ALMS1: variants seen among roughly 807,000 people sequenced by gnomAD.
The protein encoded by ALMS1 is centrosome-associated protein ALMS1.
A neutral mutation model predicts 352.2 loss-of-function variants in ALMS1; 271 were observed. That is an observed-to-expected ratio of 0.77 (90% confidence interval 0.70 to 0.85). The LOEUF is 0.85. ALMS1 is among the 40% of genes least tolerant of loss of function. The pLI is 0.00. For missense variants in ALMS1, 5,445 were observed against 4,870.7 expected (o/e 1.12, Z -3.51); for synonymous variants, 1,865 against 1,761.2 (o/e 1.06, Z -1.48).
chr2:73,551,929 C>G (rs1007855811), intron 13 of ALMS1, among the ~76,000 whole-genome samples: 1 of 151,978 alleles, frequency 6.6e-6, no homozygotes, highest in African/African-American at 2.4e-5. Flanking sequence ...GCTACTGATC[C>G]CAGGGCAGTT....
intron 15 of ALMS1, among the ~76,000 whole-genome samples, chr2:73,567,312 C>T (rs904859377): frequency 2.0e-5 from 3 of 152,194 alleles, no homozygotes; most frequent in African/African-American, 7.2e-5. Context: ...ACAGACCCTC[C>T]TTGAACCTTT....
At chr2:73,402,767 C>G (rs775590283) in intron 1 of ALMS1, among the ~76,000 whole-genome samples, 1 of 152,140 alleles carries the variant, frequency 6.6e-6, no homozygotes, top group Non-Finnish European at 1.5e-5. Context: ...TTGCATTTCC[C>G]TGATGATAGT....
chr2:73,573,884 T>C (rs992896266), intron 16 of ALMS1, among the ~76,000 whole-genome samples: 2 of 151,910 alleles, frequency 1.3e-5, no homozygotes, highest in Admixed American at 6.6e-5. Context: ...ATGGAGTTGA[T>C]TTGAAAAATT....
chr2:73,428,379 C>A (rs1442016255), intron 6 of ALMS1, among the ~76,000 whole-genome samples: 1 of 152,068 alleles, frequency 6.6e-6, no homozygotes, highest in Non-Finnish European at 1.5e-5. Context: ...CCCCCTCCCC[C>A]CACCTTTTAA....
At position 73,507,814 on chromosome 2, in the gene ALMS1, G is replaced by C. The variant is rs1008000255; in HGVS notation, c.9540-11961G>C. On this transcript the variant is annotated intron_variant, in intron 10 of 22. Transcript: ENST00000613296. Reference sequence around the variant, plus strand: ...TGATCTTAGCTATTTCTTGTCTTCTGCTAGCTTTTGAATTTGTTTGCCCTC... The same window carrying C: ...TGATCTTAGCTATTTCTTGTCTTCTCCTAGCTTTTGAATTTGTTTGCCCTC... Among the ~76,000 whole-genome samples the C allele has an allele frequency of 3.9e-5, 6 of 152,016 alleles. No individual in the cohort carries two copies. The East Asian group carries it at 1.2e-3, about 29-fold the overall frequency.
chr2:73,441,354 T>C (rs1188488738), intron 7 of ALMS1, among the ~76,000 whole-genome samples: 1 of 152,188 alleles, frequency 6.6e-6, no homozygotes, highest in East Asian at 1.9e-4. Flanking sequence ...TAGGAGATGG[T>C]GGACCTAGGT....
intron 2 of ALMS1, among the ~76,000 whole-genome samples, chr2:73,417,100 C>A (rs930495848): frequency 2.0e-5 from 3 of 150,374 alleles, no homozygotes; most frequent in African/African-American, 7.3e-5. Context: ...CTCACACACA[C>A]AAAAAAAGAA....
Position 73,450,956 on chromosome 2 carries a change from TC to T in ALMS1, c.4430del (p.Ser1477TyrfsTer24). 1 of 1,613,986 alleles carries T rather than the reference TC, an allele frequency of 6.2e-7. No individual in the cohort carries two copies. Among genetic ancestry groups the T allele is most frequent in the Non-Finnish European group, 8.5e-7 (1 of 1,179,952 alleles). On this transcript the variant is annotated frameshift_variant, in exon 8 of 23. Coordinates refer to ENST00000613296, the MANE Select transcript of ALMS1 (RefSeq NM_001378454.1). LOFTEE classifies it high-confidence loss of function. ...ACCAACTGTAACCTCCCCTTCCAGC[TC>T]ATTTGGAGAGAAGCCCATTGTTATC... ...GTPTVTSPSS[S>X]FGEKPIVIYK...
intron 7 of ALMS1, 28 bp downstream of exon 7, chr2:73,432,319 T>G (rs761600950): frequency 1.3e-6 from 2 of 1,527,000 alleles, no homozygotes; most frequent in Non-Finnish European, 1.8e-6. Flanking sequence ...ATAGTAAATG[T>G]CCTACTTACG....
chr2:73,484,062 A>T (rs998074076), intron 9 of ALMS1, among the ~76,000 whole-genome samples: 23 of 151,788 alleles, frequency 1.5e-4, no homozygotes, highest in Admixed American at 1.2e-3. Flanking sequence ...TGGAGCATTT[A>T]GTCCATTTAT....
intron 10 of ALMS1, among the ~76,000 whole-genome samples, chr2:73,506,572 G>A (rs1673331597): frequency 6.6e-6 from 1 of 152,098 alleles, no homozygotes; most frequent in Non-Finnish European, 1.5e-5. Flanking sequence ...GTTTGCTCGT[G>A]ATTTGGCTCT....
chr2:73,448,447 C>T lies in ALMS1; in HGVS notation c.1920C>T (p.Asn640=), dbSNP rs1205819450. 2 of 1,612,900 alleles carry T rather than the reference C, an allele frequency of 1.2e-6. No individual in the cohort carries two copies. The highest frequency in any genetic ancestry group is 1.7e-6 in the Non-Finnish European group (2 of 1,179,638). Residue 640 remains asparagine, a synonymous_variant, in exon 8 of 23, where the codon AAC becomes AAT. Coordinates refer to ENST00000613296, the MANE Select transcript of ALMS1 (RefSeq NM_001378454.1). The part of the protein sequence containing the change: ...TFYQQELPES[N]LTEEPLEVSA... ...ACCAACAAGAGTTACCAGAGAGTAA[C>T]TTAACCGAAGAGCCTTTGGAAGTTT...
At chr2:73,407,926 C>T (rs541661640) in intron 1 of ALMS1, among the ~76,000 whole-genome samples, 53 of 151,316 alleles carry the variant, frequency 3.5e-4, no homozygotes, top group Non-Finnish European at 6.3e-4. Flanking sequence ...AGTTTGTAAT[C>T]GGATTTTTAG....
intron 9 of ALMS1, among the ~76,000 whole-genome samples, chr2:73,480,961 A>C (rs1422613350): frequency 3.4e-5 from 5 of 149,036 alleles, no homozygotes; most frequent in Non-Finnish European, 7.4e-5. Context: ...AGTTCATTGT[A>C]GATTCTGGAT....
At chr2:73,432,560 G>A (rs1474689207) in intron 7 of ALMS1, among the ~76,000 whole-genome samples, 3 of 150,268 alleles carry the variant, frequency 2.0e-5, no homozygotes, top group African/African-American at 7.6e-5. Flanking sequence ...TCAGTGTCTT[G>A]TGAGGGCCTG....
intron 16 of ALMS1, among the ~76,000 whole-genome samples, chr2:73,598,837 G>A (rs1403499246): frequency 6.6e-6 from 1 of 152,148 alleles, no homozygotes; most frequent in African/African-American, 2.4e-5. Context: ...ACCATCAGCT[G>A]CAATCCCTGA....
chr2:73,502,470 A>G (rs1376819548), intron 10 of ALMS1, among the ~76,000 whole-genome samples: 1 of 152,156 alleles, frequency 6.6e-6, no homozygotes, highest in Non-Finnish European at 1.5e-5. Context: ...AAAAGCAGAC[A>G]TCTTGCCCTG....
chr2:73,554,241 AAAATT>A (rs1015523794), intron 13 of ALMS1, among the ~76,000 whole-genome samples: 5 of 152,182 alleles, frequency 3.3e-5, no homozygotes, highest in African/African-American at 1.2e-4. Flanking sequence ...CAAAAAAAAA[AAAATT>A]AAAGGTAGAT....
chr2:73,513,851 C>T (rs534801695), intron 10 of ALMS1, among the ~76,000 whole-genome samples: 3 of 152,148 alleles, frequency 2.0e-5, no homozygotes, highest in Non-Finnish European at 4.4e-5. Flanking sequence ...TGTGCTAGGA[C>T]ACTTCTTTAC....
Sources: gnomAD v4.1 joint callset for allele counts (sites outside exome capture counted in the v4.1 genomes callset) on GRCh38, gnomAD v4.1.1 for gene constraint, MANE v1.5 for transcripts, NCBI Gene and HGNC (gene_info 2026-07-23, HGNC 2026-07-21) for gene names.